The following NCAM1 variants were observed in gnomAD, a reference collection of about 807,000 sequenced individuals.
NCAM1 encodes antigen recognized by monoclonal antibody 5.1H11.
Under a neutral mutation model 109.8 loss-of-function variants are expected in NCAM1, and 14 were observed. That is an observed-to-expected ratio of 0.13 (90% CI 0.08 to 0.20). The LOEUF is 0.20. Among genes scored for constraint, NCAM1 ranks in the 10% least tolerant of loss-of-function variants. The pLI is 1.00. For missense variants in NCAM1, 774 were observed against 1,109.9 expected, an observed-to-expected ratio of 0.70 and a Z score of 4.30; for synonymous variants, 418 against 442.9, an observed-to-expected ratio of 0.94 and a Z score of 0.70.
chr11:113,195,916 T>C (rs1943842024), intron 1 of NCAM1, among the ~76,000 whole-genome samples: 1 of 151,010 alleles, frequency 6.6e-6, no homozygotes, highest in Non-Finnish European at 1.5e-5. Flanking sequence ...GCAGGGTGTG[T>C]GTGTGTGTGT....
chr11:112,996,261 A>G lies in NCAM1; in HGVS notation c.52+34597A>G, dbSNP rs141041781. On this transcript the variant is annotated intron_variant, in intron 1 of 19. Transcript: ENST00000316851. ...GTTTATAAAACTATGTGCTTAACAT[A>G]GGCACTGTCTTCTATTTTGTGGTAA... Among the ~76,000 whole-genome samples, 11 of 152,336 alleles carry G rather than the reference A, an allele frequency of 7.2e-5. No individual in the cohort carries two copies. The East Asian group carries it at 1.9e-3, about 27-fold the overall frequency.
At chr11:113,105,706 A>G (rs1219006257) in intron 1 of NCAM1, among the ~76,000 whole-genome samples, 1 of 152,252 alleles carries the variant, frequency 6.6e-6, no homozygotes, top group African/African-American at 2.4e-5. Flanking sequence ...TGAGATGTCC[A>G]TAATAGGCTA....
chr11:113,236,920 A>G lies in NCAM1; in HGVS notation c.1825+1756A>G, dbSNP rs143308461. Among the ~76,000 whole-genome samples, 7 of 152,344 alleles carry G rather than the reference A, an allele frequency of 4.6e-5. No homozygotes were observed. In the East Asian group the frequency reaches 1.4e-3, roughly 29 times the overall value. ...GTAGCATGAACTTTGGTTCCGAGCCATGGGCATGTCCCACAGGTAGCTGTT... is the reference window on the plus strand; with the variant it reads ...GTAGCATGAACTTTGGTTCCGAGCCGTGGGCATGTCCCACAGGTAGCTGTT... On this transcript the variant is annotated intron_variant, in intron 14 of 19. Transcript: ENST00000316851.
Position 113,205,103 on chromosome 11 carries a change from T to C in NCAM1, c.347-420T>C, listed in dbSNP as rs535464185. Reference sequence around the variant, plus strand: ...CAGCATTCTGTCTGCCGTAGGAAAGTTGGGGTGGGACTGGGAGTAGCAGTT... The same window carrying C: ...CAGCATTCTGTCTGCCGTAGGAAAGCTGGGGTGGGACTGGGAGTAGCAGTT... On this transcript the variant is annotated intron_variant, in intron 3 of 19. Transcript: ENST00000316851. Among the ~76,000 whole-genome samples, 4 of 152,250 alleles carry C rather than the reference T, an allele frequency of 2.6e-5. No homozygotes were observed. In the South Asian group the frequency reaches 8.3e-4, roughly 32 times the overall value.
At chr11:113,028,099 GT>G (rs1185438631) in intron 1 of NCAM1, among the ~76,000 whole-genome samples, 4 of 152,126 alleles carry the variant, frequency 2.6e-5, no homozygotes, top group Non-Finnish European at 5.9e-5. Context: ...AGGAAGAATA[GT>G]TTTGGGTTTT....
chr11:112,994,556 A>C (rs1425631330), intron 1 of NCAM1, among the ~76,000 whole-genome samples: 2 of 152,220 alleles, frequency 1.3e-5, no homozygotes, highest in Non-Finnish European at 2.9e-5. Flanking sequence ...TGAGATCCAG[A>C]AACCTGGTAA....
At chr11:113,193,879 A>T (rs1943773406) in intron 1 of NCAM1, among the ~76,000 whole-genome samples, 1 of 152,154 alleles carries the variant, frequency 6.6e-6, no homozygotes, top group Admixed American at 6.5e-5. Context: ...GAAATTAGTC[A>T]CGTTTTCTAG....
chr11:112,971,283 A>G (rs1950875212), intron 1 of NCAM1, among the ~76,000 whole-genome samples: 2 of 151,446 alleles, frequency 1.3e-5, no homozygotes, highest in Admixed American at 1.3e-4. Flanking sequence ...TGTAATATGT[A>G]ACTTGGTTGT....
chr11:112,978,883 A>G (rs1555068142), intron 1 of NCAM1, among the ~76,000 whole-genome samples: 7 of 151,826 alleles, frequency 4.6e-5, no homozygotes, highest in Admixed American at 3.9e-4. Flanking sequence ...TAAATACTAG[A>G]AAGTAGTTCA....
intron 1 of NCAM1, among the ~76,000 whole-genome samples, chr11:113,039,282 C>T (rs782626005): frequency 1.7e-4 from 26 of 152,200 alleles, no homozygotes; most frequent in Non-Finnish European, 3.1e-4. Context: ...TTCTCTTCTA[C>T]TCCTTTACTT....
intron 1 of NCAM1, among the ~76,000 whole-genome samples, chr11:112,992,291 A>T (rs1165671502): frequency 2.0e-5 from 3 of 152,290 alleles, no homozygotes; most frequent in East Asian, 3.9e-4. Context: ...ACTATTTCCC[A>T]TCTGAAGAAG....
intron 1 of NCAM1, among the ~76,000 whole-genome samples, chr11:112,994,769 T>C (rs1199245026): frequency 6.6e-6 from 1 of 152,212 alleles, no homozygotes; most frequent in Non-Finnish European, 1.5e-5. Context: ...CCCAAAGATG[T>C]ATTTTCTACA....
At chr11:112,994,664 C>T (rs58596811) in intron 1 of NCAM1, among the ~76,000 whole-genome samples, 7,887 of 152,154 alleles carry the variant, frequency 0.052, 525 homozygotes, top group Admixed American at 0.15. Context: ...TTGTTGTCAG[C>T]CCCTACTTCA....
intron 9 of NCAM1, chr11:113,231,358 G>A: frequency 6.8e-7 from 1 of 1,466,994 alleles, no homozygotes; most frequent in South Asian, 1.2e-5. Flanking sequence ...AGTCATCTTG[G>A]GGGACCTAGC....
At chr11:113,009,320 T>TTGTTGTTGTTG (rs1565379674) in intron 1 of NCAM1, among the ~76,000 whole-genome samples, 1 of 44,312 alleles carries the variant, frequency 2.3e-5, no homozygotes. Flanking sequence ...GGGTTTTTTT[T>TTGTTGTTGTTG]TTTTTTTTTT....
intron 16 of NCAM1, among the ~76,000 whole-genome samples, chr11:113,258,612 C>G (rs1419676579): frequency 6.6e-6 from 1 of 152,138 alleles, no homozygotes; most frequent in Non-Finnish European, 1.5e-5. Flanking sequence ...TCACAATTAC[C>G]TATTGTATAT....
At chr11:113,078,527 A>T (rs561498492) in intron 1 of NCAM1, among the ~76,000 whole-genome samples, 1 of 152,116 alleles carries the variant, frequency 6.6e-6, no homozygotes, top group Non-Finnish European at 1.5e-5. Context: ...AACTATAGAA[A>T]GCTTTGGTCA....
At chr11:113,104,207 T>TGGGGGGGGGGGGG (rs1345382907) in intron 1 of NCAM1, among the ~76,000 whole-genome samples, 8 of 19,258 alleles carry the variant, frequency 4.2e-4, no homozygotes, top group African/African-American at 6.5e-4. Context: ...GGAGGTGGGG[T>TGGGGGGGGGGGGG]GGGGGGGGGG....
intron 1 of NCAM1, among the ~76,000 whole-genome samples, chr11:113,020,711 A>G (rs1565386790): frequency 6.6e-6 from 1 of 151,956 alleles, no homozygotes; most frequent in East Asian, 1.9e-4. Flanking sequence ...ATTTTATTGG[A>G]TTTGTTACTT....
Sources: allele counts gnomAD v4.1 joint callset (sites outside exome capture counted in the v4.1 genomes callset), GRCh38; gene constraint gnomAD v4.1.1; transcripts MANE v1.5; gene names NCBI Gene and HGNC (gene_info 2026-07-23, HGNC 2026-07-21).